The following IL1RAPL1 variants were observed in gnomAD, a reference collection of about 807,000 sequenced individuals.
IL1RAPL1 encodes interleukin-1 receptor accessory protein-like 1.
A neutral mutation model predicts 48.4 loss-of-function variants in IL1RAPL1; 3 were observed. The observed-to-expected ratio is 0.06, with a 90% confidence interval of 0.03 to 0.16. The LOEUF is 0.16. Among genes scored for constraint, IL1RAPL1 ranks in the 10% least tolerant of loss-of-function variants. The pLI, the probability that IL1RAPL1 is intolerant of heterozygous loss-of-function variation, is 1.00. For synonymous variants in IL1RAPL1, 185 were observed against 187.7 expected (o/e 0.99, Z 0.12); for missense variants, 349 against 530.6 (o/e 0.66, Z 3.36).
intron 5 of IL1RAPL1, among the ~76,000 whole-genome samples, chrX:29,512,592 T>A (rs1422255510): frequency 8.9e-6 from 1 of 111,974 alleles, no homozygotes; most frequent in Non-Finnish European, 1.9e-5. Context: ...AAAGACTGTT[T>A]AGAAGGTTAA....
At chrX:29,757,933 T>C (rs1212362801) in intron 6 of IL1RAPL1, among the ~76,000 whole-genome samples, 7 of 111,667 alleles carry the variant, frequency 6.3e-5, no homozygotes, top group Non-Finnish European at 1.3e-4. Context: ...CAAAGAACTT[T>C]TTCTTGTCTT....
intron 6 of IL1RAPL1, among the ~76,000 whole-genome samples, chrX:29,693,286 G>A (rs7473914): frequency 0.082 from 9,123 of 111,920 alleles, 672 homozygotes; most frequent in East Asian, 0.25. Context: ...AGCTTCAACC[G>A]CTGTTGGATT....
intron 2 of IL1RAPL1, among the ~76,000 whole-genome samples, chrX:28,856,333 ATGT>A (rs374100830): frequency 9.8e-5 from 11 of 112,130 alleles, no homozygotes; most frequent in African/African-American, 3.2e-4. Flanking sequence ...GCTTATGCAA[ATGT>A]TGTTAAAACT....
chrX:29,918,389 C>A, intron 7 of IL1RAPL1, among the ~76,000 whole-genome samples: 1 of 95,236 alleles, frequency 1.1e-5, no homozygotes. Context: ...CCTGTAGTCC[C>A]AGCTACTCGG....
At chrX:29,898,919 T>C (rs1451931966) in intron 6 of IL1RAPL1, among the ~76,000 whole-genome samples, 1 of 112,077 alleles carries the variant, frequency 8.9e-6, no homozygotes, top group African/African-American at 3.2e-5. Context: ...AGTAAAGCTA[T>C]TCTCAAGTGA....
chrX:29,645,741 G>A (rs1353319172), intron 5 of IL1RAPL1, among the ~76,000 whole-genome samples: 2 of 111,513 alleles, frequency 1.8e-5, no homozygotes, highest in Non-Finnish European at 3.8e-5. Context: ...CAGTGGCCAC[G>A]GGCTTTAGGC....
intron 6 of IL1RAPL1, among the ~76,000 whole-genome samples, chrX:29,722,646 C>T (rs1181011773): frequency 9.0e-6 from 1 of 111,693 alleles, no homozygotes; most frequent in Non-Finnish European, 1.9e-5. Flanking sequence ...AACACCACAT[C>T]AGGACCATTC....
chrX:29,269,292 A>G (rs1396646221), intron 2 of IL1RAPL1, among the ~76,000 whole-genome samples: 1 of 111,686 alleles, frequency 9.0e-6, no homozygotes, highest in South Asian at 3.7e-4. Flanking sequence ...GCACTTGATG[A>G]TCTTTTAATT....
At chrX:29,051,038 G>A (rs1438098996) in intron 2 of IL1RAPL1, among the ~76,000 whole-genome samples, 2 of 112,164 alleles carry the variant, frequency 1.8e-5, no homozygotes, top group East Asian at 2.8e-4. Context: ...AAAATTGTTT[G>A]GTAGTGGACT....
intron 2 of IL1RAPL1, among the ~76,000 whole-genome samples, chrX:28,988,743 G>A (rs758698621): frequency 1.8e-5 from 2 of 111,878 alleles, no homozygotes; most frequent in Non-Finnish European, 3.8e-5. Flanking sequence ...GAACATCACT[G>A]TGGGTAAATT....
intron 5 of IL1RAPL1, among the ~76,000 whole-genome samples, chrX:29,536,072 T>C (rs142622210): frequency 0.018 from 2,007 of 111,807 alleles, 62 homozygotes; most frequent in African/African-American, 0.063. Context: ...TTTTTGATTA[T>C]GCATTGTGCT....
intron 2 of IL1RAPL1, 143 bp from the exon 3 acceptor site, chrX:29,282,795 G>C (rs1932222530): frequency 1.8e-6 from 1 of 568,558 alleles, no homozygotes; most frequent in Non-Finnish European, 2.9e-6. Flanking sequence ...TTGATTCATT[G>C]CTATGTGCTC....
At chrX:29,679,943 A>G (rs1355641962) in intron 6 of IL1RAPL1, among the ~76,000 whole-genome samples, 1 of 112,227 alleles carries the variant, frequency 8.9e-6, no homozygotes, top group Non-Finnish European at 1.9e-5. Context: ...CACTATGTGC[A>G]TGACCTAAAA....
chrX:29,501,686 T>C (rs1935275309), intron 5 of IL1RAPL1, among the ~76,000 whole-genome samples: 1 of 111,376 alleles, frequency 9.0e-6, no homozygotes, highest in Non-Finnish European at 1.9e-5. Flanking sequence ...TATCTTTATG[T>C]CAGCACCATG....
At chrX:29,477,969 T>C (rs1934996359) in intron 5 of IL1RAPL1, among the ~76,000 whole-genome samples, 1 of 112,304 alleles carries the variant, frequency 8.9e-6, no homozygotes, top group Non-Finnish European at 1.9e-5. Flanking sequence ...GAAATACAAA[T>C]AGTTAAAAAT....
intron 2 of IL1RAPL1, among the ~76,000 whole-genome samples, chrX:28,808,658 A>G (rs73630093): frequency 0.024 from 2,630 of 111,244 alleles, 66 homozygotes; most frequent in African/African-American, 0.08. Flanking sequence ...AAATATTAAT[A>G]TGCTTTAATA....
rs992786516 is a variant in IL1RAPL1 at position 29,556,665 on chromosome X, A to C, written c.704-111765A>C. Among the ~76,000 whole-genome samples the C allele has an allele frequency of 7.5e-4, 83 of 110,503 alleles. 1 individual carries two copies. Among genetic ancestry groups the C allele is most frequent in the Non-Finnish European group, 1.3e-3 (66 of 52,787 alleles). The stretch of plus-strand genomic sequence containing the variant: ...TCTGCCTCAAAAAAAAAAAAAAAAG[A>C]AAATCATAGTTTAAGATCAAAGTTG... On this transcript the variant is annotated intron_variant, in intron 5 of 10. Coordinates refer to ENST00000378993, the MANE Select transcript of IL1RAPL1 (RefSeq NM_014271.4).
intron 2 of IL1RAPL1, among the ~76,000 whole-genome samples, chrX:29,209,272 A>G (rs1930725396): frequency 8.9e-6 from 1 of 112,099 alleles, no homozygotes. Context: ...CAGTACAAAC[A>G]TTGTGTTTTA....
intron 1 of IL1RAPL1, among the ~76,000 whole-genome samples, chrX:28,690,466 G>A (rs1045203167): frequency 1.2e-4 from 13 of 111,485 alleles, no homozygotes; most frequent in African/African-American, 3.6e-4. Context: ...CAATCTTATC[G>A]TGTTCCCAGA....
Sources: gnomAD v4.1 joint callset for allele counts (sites outside exome capture counted in the v4.1 genomes callset) on GRCh38, gnomAD v4.1.1 for gene constraint, MANE v1.5 for transcripts, NCBI Gene and HGNC (gene_info 2026-07-23, HGNC 2026-07-21) for gene names.